ZNF514: variants seen among roughly 807,000 people sequenced by gnomAD.
ZNF514 encodes the protein zinc finger protein 514.
Under a neutral mutation model 9.7 loss-of-function variants are expected in ZNF514, and 12 were observed. The observed-to-expected ratio is 1.24, with a 90% CI of 0.79 to 2.01. The LOEUF (loss-of-function observed/expected upper bound fraction) is 2.01, where lower values mean the gene tolerates loss of function less well. Ranked by LOEUF, ZNF514 falls within the 30% of genes most tolerant of loss-of-function variation. ZNF514 has a pLI of 0.00. For missense variants in ZNF514, 467 were observed against 465.5 expected (o/e 1.00, Z -0.03); for synonymous variants, 158 against 163.7 (o/e 0.97, Z 0.27).
chr2:95,130,117 T>G, the ZNF514 span, among the ~76,000 whole-genome samples: 19 of 152,248 alleles, frequency 1.2e-4, no homozygotes, highest in Non-Finnish European at 1.5e-4. Flanking sequence ...AGAGAAATTT[T>G]TAAGCTGGGT....
chr2:95,137,224 C>A, the ZNF514 span, among the ~76,000 whole-genome samples: 1 of 152,142 alleles, frequency 6.6e-6, no homozygotes, highest in Non-Finnish European at 1.5e-5. Context: ...CCTAACTGAA[C>A]CCTCAAAGGA....
intron 4 of ZNF514, among the ~76,000 whole-genome samples, chr2:95,151,496 T>C (rs1673544407): frequency 6.6e-6 from 1 of 152,226 alleles, no homozygotes; most frequent in Non-Finnish European, 1.5e-5. Flanking sequence ...TGCAGCCCTG[T>C]GGACATCTTG....
chr2:95,144,175 G>T (rs1418926260), downstream of ZNF514, among the ~76,000 whole-genome samples: 2 of 152,206 alleles, frequency 1.3e-5, no homozygotes, highest in East Asian at 3.9e-4. Context: ...CTGTGTGTCA[G>T]TGTACTTTAT....
intron 2 of ZNF514, chr2:95,154,944 A>G (rs1673650104): frequency 6.6e-6 from 1 of 152,228 alleles, no homozygotes; most frequent in African/African-American, 2.4e-5. Flanking sequence ...AAAGGCTTTC[A>G]GTGGGACCAA....
intron 4 of ZNF514, among the ~76,000 whole-genome samples, chr2:95,152,441 C>A (rs1157115218): frequency 6.6e-6 from 1 of 152,088 alleles, no homozygotes; most frequent in East Asian, 1.9e-4. Flanking sequence ...GCACCAATAA[C>A]CCAGAAGGCA....
Position 95,157,351 on chromosome 2 carries a change from C to T in ZNF514, c.-7G>A, listed in dbSNP as rs1178181976. Reference sequence around the variant, plus strand: ...AGGAAAAATTAAGAATACAACTCACCCGAGGCCTGGCTTTCAGGAATGAAT... The same window carrying T: ...AGGAAAAATTAAGAATACAACTCACTCGAGGCCTGGCTTTCAGGAATGAAT... On this transcript the variant is annotated splice_region_variant and 5_prime_UTR_variant, in exon 2 of 5. Transcript: ENST00000295208. The T allele has an allele frequency of 7.8e-7, 1 of 1,289,298 alleles. No homozygotes were observed. The highest frequency in any genetic ancestry group is 1.5e-5 in the African/African-American group (1 of 65,828). 79.9% of individuals were successfully genotyped at this position (1,289,298 alleles called of 1,614,324 possible). A position where few individuals can be genotyped will look rare whatever the true frequency, so the allele number is the denominator to read the frequency against.
chr2:95,152,729 C>T lies in ZNF514; in HGVS notation c.162G>A (p.Glu54=). ...CCACCATGAAGGGCTCACCCCCTTC[C>T]TCCAACTGGCAGATCACATATGGTT... The part of the protein sequence containing the change: ...VSKPYVICQL[E]EGGEPFMVER... Residue 54 remains glutamate, a synonymous_variant, in exon 4 of 5, where the codon GAG becomes GAA. Coordinates refer to ENST00000295208, the MANE Select transcript of ZNF514 (RefSeq NM_032788.3). The T allele has an allele frequency of 6.2e-7, 1 of 1,614,174 alleles. No individual in the cohort carries two copies. The highest frequency in any genetic ancestry group is 8.5e-7 in the Non-Finnish European group (1 of 1,180,030).
chr2:95,126,811 G>A, the ZNF514 span, among the ~76,000 whole-genome samples: 4 of 148,330 alleles, frequency 2.7e-5, no homozygotes, highest in East Asian at 2.0e-4. Context: ...TTGCTGTATC[G>A]CCCAGGCTGA....
chr2:95,145,126 A>G lies in ZNF514; in HGVS notation c.*4156T>C, dbSNP rs1368256058. On this transcript the variant is annotated 3_prime_UTR_variant, in exon 5 of 5. Coordinates refer to ENST00000295208, the MANE Select transcript of ZNF514 (RefSeq NM_032788.3). ...ACATAAGAGAAGCATGAGATGTGAC[A>G]TGAAGCAGCTGATAGTCTATGTAAG... Among the ~76,000 whole-genome samples the G allele has an allele frequency of 9.2e-5, 14 of 152,364 alleles. No individual in the cohort carries two copies. The highest frequency in any genetic ancestry group is 1.9e-4 in the East Asian group (1 of 5,182).
chr2:95,158,950 G>A (rs1247634269), intron 1 of ZNF514: 1 of 1,289,578 alleles, frequency 7.8e-7, no homozygotes, highest in Non-Finnish European at 1.0e-6. Flanking sequence ...CCCTCTGCAC[G>A]CTCCAGAGCC....
At chr2:95,157,691 G>C (rs529260666) in intron 1 of ZNF514, among the ~76,000 whole-genome samples, 49 of 152,328 alleles carry the variant, frequency 3.2e-4, no homozygotes, top group African/African-American at 1.1e-3. Flanking sequence ...AGTGTGACCA[G>C]TCTGGCCATA....
At chr2:95,156,916 C>T (rs1437000290) in intron 2 of ZNF514, among the ~76,000 whole-genome samples, 1 of 152,172 alleles carries the variant, frequency 6.6e-6, no homozygotes. Flanking sequence ...TCTCCATGAG[C>T]TTTCCCAACC....
intron 1 of ZNF514, 195 bp downstream of exon 1, chr2:95,159,045 C>G (rs1026510205): frequency 5.4e-5 from 66 of 1,228,318 alleles, no homozygotes; most frequent in Non-Finnish European, 6.6e-5. Context: ...CGGCCACAGC[C>G]CTGTGGTCCT....
At chr2:95,144,387 G>A (rs1263952412), downstream of ZNF514, among the ~76,000 whole-genome samples, 1 of 152,116 alleles carries the variant, frequency 6.6e-6, no homozygotes, top group African/African-American at 2.4e-5. Flanking sequence ...AGGGGGAGCT[G>A]GTGATTGAGT....
chr2:95,149,559 G>A lies in ZNF514; in HGVS notation c.926C>T (p.Thr309Ile). The change falls in exon 5 of 5, where the codon ACT (threonine) becomes ATT (isoleucine). Residue 309 changes from threonine to isoleucine, a missense_variant. Transcript: ENST00000295208. Reference protein sequence around the residue: ...HTSSLIKHQRTHTGEKPYECR... With the variant: ...HTSSLIKHQRIHTGEKPYECR... ...TTCATAGGGCTTTTCTCCAGTATGA[G>A]TCCTCTGATGCTTAATAAGGGATGA... is the stretch of plus-strand genomic sequence containing the variant. The A allele has an allele frequency of 6.2e-7, 1 of 1,611,516 alleles. No homozygotes were observed. The highest frequency in any genetic ancestry group is 8.5e-7 in the Non-Finnish European group (1 of 1,179,410).
the ZNF514 span, among the ~76,000 whole-genome samples, chr2:95,131,253 C>T: frequency 6.6e-6 from 1 of 152,178 alleles, no homozygotes; most frequent in Non-Finnish European, 1.5e-5. Flanking sequence ...AGATCTACTC[C>T]CCACTCTTCC....
At chr2:95,154,450 A>G (rs1346285210) in intron 2 of ZNF514, 2 of 152,300 alleles carry the variant, frequency 1.3e-5, no homozygotes, top group Non-Finnish European at 2.9e-5. Context: ...ACTGGCATCC[A>G]GGCCAGGCAG....
the ZNF514 span, among the ~76,000 whole-genome samples, chr2:95,127,736 G>A: frequency 6.6e-6 from 1 of 152,124 alleles, no homozygotes; most frequent in East Asian, 1.9e-4. Flanking sequence ...AGCCTCACAA[G>A]TAGCTGGGAT....
At chr2:95,141,045 C>T (rs184555218), downstream of ZNF514, among the ~76,000 whole-genome samples, 125 of 151,140 alleles carry the variant, frequency 8.3e-4, no homozygotes, top group Non-Finnish European at 1.2e-3. Context: ...TCAGGGGAAA[C>T]GGTGGGAGGA....
Sources: gnomAD v4.1 joint callset for allele counts (sites outside exome capture counted in the v4.1 genomes callset) on GRCh38, gnomAD v4.1.1 for gene constraint, MANE v1.5 for transcripts, NCBI Gene and HGNC (gene_info 2026-07-23, HGNC 2026-07-21) for gene names.